The following HS3ST4 variants were observed in gnomAD, a reference collection of about 807,000 sequenced individuals.
HS3ST4 encodes the protein heparan sulfate-glucosamine 3-sulfotransferase 4, also known as heparan sulfate glucosamine 3-O-sulfotransferase 4.
Under a neutral mutation model 29.2 loss-of-function variants are expected in HS3ST4, and 17 were observed. That is an observed-to-expected ratio of 0.58 (90% CI 0.40 to 0.87). HS3ST4 has a LOEUF of 0.87. Among genes scored for constraint, HS3ST4 ranks in the 40% least tolerant of loss-of-function variants. The probability of loss-of-function intolerance (pLI) is 0.00; values close to 1 mark genes in which losing one functional copy is unlikely to be tolerated. For synonymous variants in HS3ST4, 314 were observed against 285.7 expected (o/e 1.10, Z -1.00); for missense variants, 627 against 634.5 (o/e 0.99, Z 0.13).
chr16:25,890,577 T>C (rs1967998356), intron 1 of HS3ST4, among the ~76,000 whole-genome samples: 1 of 152,212 alleles, frequency 6.6e-6, no homozygotes, highest in Non-Finnish European at 1.5e-5. Flanking sequence ...GGACATCAGG[T>C]ACACTTTTTG....
At chr16:25,728,341 A>G (rs1384416519) in intron 1 of HS3ST4, among the ~76,000 whole-genome samples, 1 of 152,160 alleles carries the variant, frequency 6.6e-6, no homozygotes, top group Non-Finnish European at 1.5e-5. Context: ...CTTTTAGAGT[A>G]ATTCTGACTC....
chr16:25,987,351 A>G (rs932687953), intron 1 of HS3ST4, among the ~76,000 whole-genome samples: 7 of 146,774 alleles, frequency 4.8e-5, no homozygotes, highest in Admixed American at 2.0e-4. Flanking sequence ...CTCCAACTCA[A>G]AAAAAAAAAA....
chr16:25,728,657 C>T (rs1339599782), intron 1 of HS3ST4, among the ~76,000 whole-genome samples: 4 of 152,154 alleles, frequency 2.6e-5, no homozygotes, highest in African/African-American at 9.6e-5. Flanking sequence ...CAACAGCGCC[C>T]TCAGTAATAC....
chr16:25,838,986 C>T (rs959350758), intron 1 of HS3ST4, among the ~76,000 whole-genome samples: 1 of 152,190 alleles, frequency 6.6e-6, no homozygotes, highest in East Asian at 1.9e-4. Flanking sequence ...TTAAGGGGAT[C>T]TGGCAGGTTT....
chr16:25,803,578 G>T (rs964391993), intron 1 of HS3ST4, among the ~76,000 whole-genome samples: 2 of 152,228 alleles, frequency 1.3e-5, no homozygotes, highest in Admixed American at 1.3e-4. Flanking sequence ...TTATTTTACT[G>T]AGTTTTTCTT....
intron 1 of HS3ST4, among the ~76,000 whole-genome samples, chr16:25,999,902 T>TA (rs1380478695): frequency 2.1e-5 from 3 of 139,736 alleles, no homozygotes; most frequent in Non-Finnish European, 4.6e-5. Context: ...ATATTTTATA[T>TA]ATATATATAT....
chr16:25,958,512 G>T (rs1481800964), intron 1 of HS3ST4, among the ~76,000 whole-genome samples: 1 of 152,084 alleles, frequency 6.6e-6, no homozygotes, highest in Non-Finnish European at 1.5e-5. Flanking sequence ...TGTATTTTTA[G>T]TAGAGACGGG....
intron 1 of HS3ST4, among the ~76,000 whole-genome samples, chr16:25,856,431 GA>G (rs140310981): frequency 0.02 from 3,105 of 152,200 alleles, 114 homozygotes; most frequent in African/African-American, 0.071. Context: ...CCTGCATTAA[GA>G]AACCTGCATA....
intron 1 of HS3ST4, among the ~76,000 whole-genome samples, chr16:25,954,034 T>A (rs1596624905): frequency 6.6e-6 from 1 of 152,166 alleles, no homozygotes; most frequent in African/African-American, 2.4e-5. Flanking sequence ...AAAGGAGCTA[T>A]CTGAATGTTT....
In HS3ST4 at chr16:26,022,416, G is replaced by A. The variant is rs1027522032; in HGVS notation, c.735-113196G>A. On this transcript the variant is annotated intron_variant, in intron 1 of 1. Coordinates refer to ENST00000331351, the MANE Select transcript of HS3ST4 (RefSeq NM_006040.3). ...ACATAGTGGACACTTACTGAAAATTGGGGGAGGGGACATATTCATAATCCC... is the reference window on the plus strand; with the variant it reads ...ACATAGTGGACACTTACTGAAAATTAGGGGAGGGGACATATTCATAATCCC... 3.3e-5 allele frequency among the ~76,000 whole-genome samples: 5 copies of A among 152,170 alleles called. 1 individual carries two copies. The highest frequency in any genetic ancestry group is 1.2e-4 in the African/African-American group (5 of 41,432).
intron 1 of HS3ST4, among the ~76,000 whole-genome samples, chr16:25,917,290 G>A (rs575011953): frequency 1.3e-5 from 2 of 152,018 alleles, no homozygotes; most frequent in Non-Finnish European, 2.9e-5. Flanking sequence ...TCAGCTCACT[G>A]CAACCTCCAC....
intron 1 of HS3ST4, among the ~76,000 whole-genome samples, chr16:25,949,989 G>T (rs924060409): frequency 7.3e-5 from 11 of 150,336 alleles, no homozygotes; most frequent in South Asian, 2.1e-4. Context: ...GCCGCAGTGC[G>T]CCCAGTACCT....
At chr16:26,045,527 AGCAGGCTCACCAGT>A (rs1231173482) in intron 1 of HS3ST4, among the ~76,000 whole-genome samples, 2 of 152,152 alleles carry the variant, frequency 1.3e-5, no homozygotes, top group Non-Finnish European at 2.9e-5. Context: ...GCAGAAAATG[AGCAGGCTCACCAGT>A]GTAGACTGTC....
At chr16:26,073,844 C>G (rs1898629458) in intron 1 of HS3ST4, among the ~76,000 whole-genome samples, 1 of 152,094 alleles carries the variant, frequency 6.6e-6, no homozygotes, top group Non-Finnish European at 1.5e-5. Flanking sequence ...TGGGTGGATG[C>G]CTTATTGCTT....
chr16:25,707,159 T>G (rs1458321069), intron 1 of HS3ST4, among the ~76,000 whole-genome samples: 3 of 152,150 alleles, frequency 2.0e-5, no homozygotes, highest in African/African-American at 7.2e-5. Flanking sequence ...TTACTTTACT[T>G]AATGATGGCC....
chr16:25,814,734 G>C lies in HS3ST4; in HGVS notation c.734+121583G>C, dbSNP rs9923696. On this transcript the variant is annotated intron_variant, in intron 1 of 1. Transcript: ENST00000331351. ...TCAATGGGAGAGTGAGAATGCAACA[G>C]CTCCGCATTAACCACCATGGTACCC... is the stretch of plus-strand genomic sequence containing the variant. 2.4e-3 allele frequency among the ~76,000 whole-genome samples: 361 copies of C among 152,278 alleles called. 3 individuals carry two copies. Among genetic ancestry groups the C allele is most frequent in the African/African-American group, 8.0e-3 (332 of 41,554 alleles).
At chr16:25,748,869 T>C (rs1202185880) in intron 1 of HS3ST4, among the ~76,000 whole-genome samples, 24 of 152,214 alleles carry the variant, frequency 1.6e-4, no homozygotes, top group Non-Finnish European at 3.5e-4. Context: ...AAAACAGGAT[T>C]AAAGGGGCAT....
intron 1 of HS3ST4, among the ~76,000 whole-genome samples, chr16:25,722,421 C>G (rs1046534872): frequency 4.6e-5 from 7 of 152,088 alleles, no homozygotes; most frequent in African/African-American, 1.7e-4. Context: ...ACACACACTG[C>G]CCAACAACCC....
intron 1 of HS3ST4, among the ~76,000 whole-genome samples, chr16:25,964,450 A>G (rs1968824126): frequency 6.6e-6 from 1 of 152,198 alleles, no homozygotes; most frequent in African/African-American, 2.4e-5. Flanking sequence ...TGTACGTACC[A>G]TTGAGTACTT....
Sources: gnomAD v4.1 joint callset for allele counts (sites outside exome capture counted in the v4.1 genomes callset) on GRCh38, gnomAD v4.1.1 for gene constraint, MANE v1.5 for transcripts, NCBI Gene and HGNC (gene_info 2026-07-23, HGNC 2026-07-21) for gene names.